Variants in SLC22A23 observed in about 807,000 individuals in gnomAD.
The protein encoded by SLC22A23 is ion transporter protein.
SLC22A23 carries 26 observed loss-of-function variants against 61.0 expected under a neutral mutation model. That is an observed-to-expected ratio of 0.43 (90% CI 0.31 to 0.59). The LOEUF is 0.59. Ranked by LOEUF, SLC22A23 falls within the 20% of genes least tolerant of loss-of-function variation. The pLI, the probability that SLC22A23 is intolerant of heterozygous loss-of-function variation, is 0.11. For missense variants in SLC22A23, 796 were observed against 934.7 expected (o/e 0.85, Z 1.94); for synonymous variants, 430 against 413.9 (o/e 1.04, Z -0.47).
chr6:3,304,261 T>C lies in SLC22A23; in HGVS notation c.1083-6043A>G, dbSNP rs73352935. Among the ~76,000 whole-genome samples, 946 of 152,266 alleles carry C rather than the reference T, an allele frequency of 6.2e-3. 14 individuals are homozygous for C. The highest frequency in any genetic ancestry group is 0.022 in the African/African-American group (896 of 41,548). The stretch of plus-strand genomic sequence containing the variant: ...TGAGACTCTGCCTGCTCCTCAGTGA[T>C]CACTCCCTCATCTTTGTCATCCTCC... On this transcript the variant is annotated intron_variant, in intron 4 of 9. Coordinates refer to ENST00000406686, the MANE Select transcript of SLC22A23 (RefSeq NM_015482.2). The surrounding 1 kb of genome is among the most constrained non-coding windows in gnomAD (Gnocchi z 4.3).
Position 3,413,072 on chromosome 6 carries a change from G to A in SLC22A23, c.758+2680C>T, listed in dbSNP as rs765591926. On this transcript the variant is annotated intron_variant, in intron 2 of 9. Transcript: ENST00000406686. ...TTTGTAACAGCAGCCATAGAGAACCGACACAGGGTCTCAACAGGAAACAGA... is the reference window on the plus strand; with the variant it reads ...TTTGTAACAGCAGCCATAGAGAACCAACACAGGGTCTCAACAGGAAACAGA... Among the ~76,000 whole-genome samples the A allele has an allele frequency of 4.6e-5, 7 of 152,150 alleles. No homozygotes were observed. In the South Asian group the frequency reaches 6.2e-4, roughly 14 times the overall value.
chr6:3,451,938 G>A lies in SLC22A23; in HGVS notation c.654+3968C>T, dbSNP rs1017949547. Reference sequence around the variant, plus strand: ...TTTATTCACCAGAAGTGAAAAACACGATGGTTGTGTGAGTATCTGAAGTAC... The same window carrying A: ...TTTATTCACCAGAAGTGAAAAACACAATGGTTGTGTGAGTATCTGAAGTAC... On this transcript the variant is annotated intron_variant, in intron 1 of 9. Coordinates refer to ENST00000406686, the MANE Select transcript of SLC22A23 (RefSeq NM_015482.2). 2.0e-4 allele frequency among the ~76,000 whole-genome samples: 30 copies of A among 152,162 alleles called. 2 individuals carry two copies. The highest frequency in any genetic ancestry group is 1.4e-3 in the Admixed American group (21 of 15,270).
chr6:3,389,589 CT>C (rs1400475263), intron 3 of SLC22A23, among the ~76,000 whole-genome samples: 7 of 152,166 alleles, frequency 4.6e-5, no homozygotes, highest in Non-Finnish European at 8.8e-5. Flanking sequence ...TTTCTGTCTA[CT>C]GCTCTCTTAC....
In SLC22A23 at chr6:3,379,542, G is replaced by A. The variant is rs1025740008; in HGVS notation, c.913+30646C>T. Among the ~76,000 whole-genome samples the A allele has an allele frequency of 1.3e-5, 2 of 152,270 alleles. 1 individual carries two copies. The highest frequency in any genetic ancestry group is 4.1e-4 in the South Asian group (2 of 4,820). On this transcript the variant is annotated intron_variant, in intron 3 of 9. Coordinates refer to ENST00000406686, the MANE Select transcript of SLC22A23 (RefSeq NM_015482.2). Reference sequence around the variant, plus strand: ...GGTGTGCGAGGGTGGGCAGAGAGAAGGATAGACAGCGTTTTCCACGTGGTT... The same window carrying A: ...GGTGTGCGAGGGTGGGCAGAGAGAAAGATAGACAGCGTTTTCCACGTGGTT...
chr6:3,314,223 A>AGGACAG (rs1762510383), intron 4 of SLC22A23, among the ~76,000 whole-genome samples: 1 of 152,288 alleles, frequency 6.6e-6, no homozygotes, highest in Non-Finnish European at 1.5e-5. Context: ...GATTCCTCCC[A>AGGACAG]GGACAGAAGT....
At chr6:3,446,957 C>T (rs930215261) in intron 1 of SLC22A23, among the ~76,000 whole-genome samples, 1 of 152,174 alleles carries the variant, frequency 6.6e-6, no homozygotes, top group Non-Finnish European at 1.5e-5. Context: ...TTCTACAGGC[C>T]TCGCTGGCTT....
chr6:3,452,962 T>C lies in SLC22A23; in HGVS notation c.654+2944A>G, dbSNP rs1189283392. ...TCCCAGGAAAACAACATTGGAGGGG[T>C]TGGTGATCATGGTCTGGAAGCAGAA... is the stretch of plus-strand genomic sequence containing the variant. On this transcript the variant is annotated intron_variant, in intron 1 of 9. Coordinates refer to ENST00000406686, the MANE Select transcript of SLC22A23 (RefSeq NM_015482.2). Among the ~76,000 whole-genome samples the C allele has an allele frequency of 5.3e-5, 8 of 151,832 alleles. No individual in the cohort carries two copies. The East Asian group carries it at 1.3e-3, about 26-fold the overall frequency.
chr6:3,397,175 G>A (rs1016843287), intron 3 of SLC22A23, among the ~76,000 whole-genome samples: 1 of 152,188 alleles, frequency 6.6e-6, no homozygotes, highest in South Asian at 2.1e-4. Context: ...GGGGACAAGG[G>A]AACTTTTCCC....
chr6:3,409,700 C>A (rs1769079089), intron 3 of SLC22A23, among the ~76,000 whole-genome samples: 1 of 152,150 alleles, frequency 6.6e-6, no homozygotes, highest in African/African-American at 2.4e-5. Flanking sequence ...AAATGTCTCA[C>A]CCTCCTAAAA....
Position 3,283,774 on chromosome 6 carries a change from C to G in SLC22A23, c.1703+78G>C, listed in dbSNP as rs559801674. Reference sequence around the variant, plus strand: ...GAGACAGAGCTGACGCTGGTTAATCCCACACCAGCCTGGAGCCAGGGACTC... The same window carrying G: ...GAGACAGAGCTGACGCTGGTTAATCGCACACCAGCCTGGAGCCAGGGACTC... On this transcript the variant is annotated intron_variant, in intron 9 of 9. Transcript: ENST00000406686. 83 of 1,595,208 alleles carry G rather than the reference C, an allele frequency of 5.2e-5. No homozygotes were observed. The African/African-American group carries it at 1.0e-3, about 20-fold the overall frequency.
At chr6:3,280,807 A>G (rs945062303) in intron 9 of SLC22A23, among the ~76,000 whole-genome samples, 2 of 151,984 alleles carry the variant, frequency 1.3e-5, no homozygotes, top group Non-Finnish European at 2.9e-5. Context: ...TTAAGATACA[A>G]CTTTTTAAAG....
At position 3,456,380 on chromosome 6, in the gene SLC22A23, G is replaced by T. The variant is rs549655900; in HGVS notation, c.180C>A (p.Gly60=). 1 of 1,538,476 alleles carries T rather than the reference G, an allele frequency of 6.5e-7. No homozygotes were observed. Among genetic ancestry groups the T allele is most frequent in the South Asian group, 1.2e-5 (1 of 83,826 alleles). The change falls in exon 1 of 10, where the codon GGC becomes GGA. Residue 60 remains glycine, a synonymous_variant. Coordinates refer to ENST00000406686, the MANE Select transcript of SLC22A23 (RefSeq NM_015482.2). The surrounding 1 kb of genome is among the most constrained non-coding windows in gnomAD (Gnocchi z 7.1). Reference sequence around the variant, plus strand: ...CGGAGCAGCAGCTCGGGTGCGGGCCGCCTCCAGGATGCAGTGGGGGCAGCG... The same window carrying T: ...CGGAGCAGCAGCTCGGGTGCGGGCCTCCTCCAGGATGCAGTGGGGGCAGCG... ...IQPLPPLHPG[G]GPHPSCCSAA...
chr6:3,439,901 TAAAC>T (rs1771476734), intron 1 of SLC22A23, among the ~76,000 whole-genome samples: 1 of 151,920 alleles, frequency 6.6e-6, no homozygotes, highest in Admixed American at 6.6e-5. Context: ...GTTTGGGAAA[TAAAC>T]AAATCGGTGG....
chr6:3,376,728 A>G (rs1766592219), intron 3 of SLC22A23, among the ~76,000 whole-genome samples: 3 of 152,214 alleles, frequency 2.0e-5, no homozygotes, highest in Admixed American at 6.5e-5. Context: ...ACAGACAATT[A>G]TCTCGTAGAC....
intron 3 of SLC22A23, among the ~76,000 whole-genome samples, chr6:3,406,526 CTGTGTG>C (rs61072525): frequency 1.8e-4 from 19 of 103,406 alleles, no homozygotes; most frequent in South Asian, 9.7e-4. Context: ...TTTCGACTGC[CTGTGTG>C]TGTGTGTGTG....
intron 3 of SLC22A23, among the ~76,000 whole-genome samples, chr6:3,377,002 A>G (rs895789640): frequency 1.3e-5 from 2 of 152,018 alleles, no homozygotes; most frequent in South Asian, 2.1e-4. Context: ...GAGAGCTCCA[A>G]TTCTGATCTA....
chr6:3,287,519 C>T (rs1179283283), intron 6 of SLC22A23, among the ~76,000 whole-genome samples: 7 of 152,094 alleles, frequency 4.6e-5, no homozygotes, highest in Admixed American at 6.6e-5. Flanking sequence ...AGGCTCTCGG[C>T]GGGTAAGCGG....
intron 1 of SLC22A23, among the ~76,000 whole-genome samples, chr6:3,447,658 G>A (rs527488762): frequency 7.8e-5 from 11 of 141,604 alleles, no homozygotes; most frequent in East Asian, 6.2e-4. Flanking sequence ...GTGCAATCTC[G>A]GCTCACTGCA....
At chr6:3,425,882 A>G (rs1335402957) in intron 1 of SLC22A23, among the ~76,000 whole-genome samples, 1 of 152,248 alleles carries the variant, frequency 6.6e-6, no homozygotes, top group Non-Finnish European at 1.5e-5. Flanking sequence ...CAGTAAACTC[A>G]AAGAAACAGC....
Sources: allele counts gnomAD v4.1 joint callset (sites outside exome capture counted in the v4.1 genomes callset), GRCh38; gene constraint gnomAD v4.1.1; non-coding constraint Gnocchi (gnomAD v3.1); transcripts MANE v1.5; gene names NCBI Gene and HGNC (gene_info 2026-07-23, HGNC 2026-07-21).